Variants in CPAP observed in about 807,000 individuals in gnomAD.
CPAP encodes centrosomal P4.1-associated protein.
chr13:24,912,049 C>A, the CPAP span: 2 of 1,613,748 alleles, frequency 1.2e-6, no homozygotes, highest in Non-Finnish European at 8.5e-7. Context: ...GTTCCTGCTT[C>A]TTCTGTTGTA....
At chr13:24,884,923 A>G in the CPAP span, among the ~76,000 whole-genome samples, 162 of 152,290 alleles carry the variant, frequency 1.1e-3, 5 homozygotes, top group East Asian at 0.028. Flanking sequence ...TTTAGCTGGA[A>G]CCCCCAGGCA....
chr13:24,884,240 G>A, the CPAP span: 1 of 1,614,094 alleles, frequency 6.2e-7, no homozygotes, highest in Non-Finnish European at 8.5e-7. Flanking sequence ...CTGCATAGTA[G>A]TAGATCTGTA....
chr13:24,884,880 T>A, the CPAP span, among the ~76,000 whole-genome samples: 2 of 152,342 alleles, frequency 1.3e-5, no homozygotes, highest in African/African-American at 4.8e-5. Flanking sequence ...TCATCACCTC[T>A]AACCTGTATA....
chr13:24,889,679 G>A, the CPAP span, among the ~76,000 whole-genome samples: 3 of 152,242 alleles, frequency 2.0e-5, no homozygotes, highest in East Asian at 5.8e-4. Context: ...TTACAGAGCA[G>A]AGGAGGAGCA....
chr13:24,901,069 G>A, the CPAP span, among the ~76,000 whole-genome samples: 3 of 152,178 alleles, frequency 2.0e-5, no homozygotes, highest in Non-Finnish European at 4.4e-5. Flanking sequence ...GATCTGGGGC[G>A]TAACAGCATT....
chr13:24,890,760 G>T, the CPAP span, among the ~76,000 whole-genome samples: 34 of 151,962 alleles, frequency 2.2e-4, no homozygotes, highest in African/African-American at 6.8e-4. Flanking sequence ...GCCCTCACAG[G>T]AGCCTGGGCT....
the CPAP span, among the ~76,000 whole-genome samples, chr13:24,920,991 T>G: frequency 6.6e-6 from 1 of 152,234 alleles, no homozygotes; most frequent in Non-Finnish European, 1.5e-5. Flanking sequence ...AATGGCATAT[T>G]GGTCGTTATC....
At chr13:24,892,956 G>T in the CPAP span, 1 of 950,094 alleles carries the variant, frequency 1.1e-6, no homozygotes, top group Non-Finnish European at 1.6e-6. Context: ...CAATGAAACA[G>T]AATAGCCAGC....
At chr13:24,895,249 C>A in the CPAP span, among the ~76,000 whole-genome samples, 39 of 152,230 alleles carry the variant, frequency 2.6e-4, no homozygotes, top group Admixed American at 5.9e-4. Context: ...CTCCTTGCAG[C>A]GCAGTAGATG....
the CPAP span, chr13:24,909,873 G>A: frequency 6.2e-7 from 1 of 1,613,876 alleles, no homozygotes; most frequent in Non-Finnish European, 8.5e-7. Context: ...AAATAAATTA[G>A]GAGACGCACG....
the CPAP span, chr13:24,904,050 C>A: frequency 6.2e-7 from 1 of 1,613,838 alleles, no homozygotes; most frequent in Non-Finnish European, 8.5e-7. Context: ...TGGGATCGAG[C>A]ATTGTCACCT....
chr13:24,923,777 TC>T, the CPAP span, among the ~76,000 whole-genome samples: 1,049 of 152,326 alleles, frequency 6.9e-3, 10 homozygotes, highest in Admixed American at 0.019. Context: ...AGAGTCTACT[TC>T]TCTAAATCAA....
chr13:24,920,769 C>A, the CPAP span, among the ~76,000 whole-genome samples: 1 of 148,676 alleles, frequency 6.7e-6, no homozygotes, highest in Non-Finnish European at 1.5e-5. Flanking sequence ...TACAAGCATG[C>A]ACCACCATAC....
At chr13:24,906,186 CA>C in the CPAP span, 3 of 1,613,790 alleles carry the variant, frequency 1.9e-6, no homozygotes, top group Non-Finnish European at 2.5e-6. Context: ...ACAGCTTTGA[CA>C]GGGGTGGAAG....
At chr13:24,912,867 G>C in the CPAP span, 1 of 1,614,182 alleles carries the variant, frequency 6.2e-7, no homozygotes, top group Non-Finnish European at 8.5e-7. Context: ...TAATAGGAAA[G>C]CTGGTAGAAA....
chr13:24,883,502 A>G, the CPAP span: 1 of 661,496 alleles, frequency 1.5e-6, no homozygotes, highest in East Asian at 2.7e-5. Context: ...TCCCTATACA[A>G]TTGTAACTTT....
At chr13:24,917,211 G>A in the CPAP span, among the ~76,000 whole-genome samples, 35 of 152,248 alleles carry the variant, frequency 2.3e-4, no homozygotes, top group Non-Finnish European at 4.4e-5. Context: ...CCGAGATCGC[G>A]CCACTGCACT....
the CPAP span, chr13:24,886,305 G>C: frequency 1.2e-5 from 15 of 1,288,970 alleles, no homozygotes; most frequent in Non-Finnish European, 1.4e-5. Flanking sequence ...TGGATGTTAC[G>C]GGAGAATGGC....
chr13:24,917,951 C>T, the CPAP span, among the ~76,000 whole-genome samples: 3 of 152,176 alleles, frequency 2.0e-5, no homozygotes, highest in Admixed American at 2.0e-4. Flanking sequence ...AGGGTGGAGC[C>T]CTCATGACCT....
Sources: allele counts gnomAD v4.1 joint callset (sites outside exome capture counted in the v4.1 genomes callset), GRCh38; gene constraint gnomAD v4.1.1; transcripts MANE v1.5; gene names NCBI Gene and HGNC (gene_info 2026-07-23, HGNC 2026-07-21).